PLXNA2: variants seen among roughly 807,000 people sequenced by gnomAD.
The protein encoded by PLXNA2 is plexin-A2.
Under a neutral mutation model 193.5 loss-of-function variants are expected in PLXNA2, and 91 were observed. That is an observed-to-expected ratio of 0.47 (90% CI 0.40 to 0.56). PLXNA2 has a LOEUF of 0.56. Ranked by LOEUF, PLXNA2 falls within the 20% of genes least tolerant of loss-of-function variation. The pLI, the probability that PLXNA2 is intolerant of heterozygous loss-of-function variation, is 0.00. For synonymous variants in PLXNA2, 997 were observed against 1,027.3 expected (o/e 0.97, Z 0.56); for missense variants, 1,995 against 2,503.2 (o/e 0.80, Z 4.33).
intron 5 of PLXNA2, among the ~76,000 whole-genome samples, chr1:208,099,976 C>A (rs1257466785): frequency 2.6e-5 from 4 of 152,008 alleles, no homozygotes; most frequent in African/African-American, 9.7e-5. Flanking sequence ...AACTTTGGGG[C>A]CAAAGAGCCT....
At chr1:208,199,410 A>C (rs1670464351) in intron 3 of PLXNA2, among the ~76,000 whole-genome samples, 1 of 152,216 alleles carries the variant, frequency 6.6e-6, no homozygotes, top group African/African-American at 2.4e-5. Flanking sequence ...AATGTTCTTT[A>C]GGCCGGGCGC....
chr1:208,199,794 C>T (rs571759679), intron 3 of PLXNA2, among the ~76,000 whole-genome samples: 96 of 152,168 alleles, frequency 6.3e-4, no homozygotes, highest in Non-Finnish European at 1.2e-3. Flanking sequence ...GGGTAAGAAC[C>T]TGGGTGAGTT....
intron 12 of PLXNA2, among the ~76,000 whole-genome samples, chr1:208,072,661 T>G (rs1666011467): frequency 6.6e-6 from 1 of 152,140 alleles, no homozygotes; most frequent in African/African-American, 2.4e-5. Flanking sequence ...AAGAAATAAC[T>G]GGGGTAGAGG....
intron 3 of PLXNA2, among the ~76,000 whole-genome samples, chr1:208,201,970 AG>A (rs376243597): frequency 5.3e-4 from 66 of 125,414 alleles, no homozygotes; most frequent in South Asian, 9.2e-4. Context: ...CATCAGGGCA[AG>A]AATTTTTTTT....
chr1:208,170,475 C>T (rs1464942793), intron 3 of PLXNA2, among the ~76,000 whole-genome samples: 1 of 152,162 alleles, frequency 6.6e-6, no homozygotes, highest in Non-Finnish European at 1.5e-5. Context: ...CAGCCACCCA[C>T]AGAGGCAGGG....
intron 4 of PLXNA2, among the ~76,000 whole-genome samples, chr1:208,112,135 T>C (rs930818056): frequency 1.3e-5 from 2 of 152,182 alleles, no homozygotes; most frequent in African/African-American, 2.4e-5. Context: ...GGTTGAACTT[T>C]TCAATGACAT....
intron 2 of PLXNA2, among the ~76,000 whole-genome samples, chr1:208,211,529 T>C (rs113903568): frequency 0.029 from 4,418 of 152,068 alleles, 102 homozygotes; most frequent in Non-Finnish European, 0.047. Context: ...CTGTCTCTAC[T>C]AAAAATACAA....
At chr1:208,055,112 G>A (rs1463667220) in intron 13 of PLXNA2, among the ~76,000 whole-genome samples, 1 of 152,188 alleles carries the variant, frequency 6.6e-6, no homozygotes, top group African/African-American at 2.4e-5. Flanking sequence ...TCCTGCCGCA[G>A]TAGGCAAAGG....
At chr1:208,153,448 A>T (rs1256720844) in intron 3 of PLXNA2, among the ~76,000 whole-genome samples, 1 of 152,174 alleles carries the variant, frequency 6.6e-6, no homozygotes. Context: ...GAAAGAGGGA[A>T]TCTTGTTCCA....
chr1:208,034,660 G>A (rs1664617108), intron 26 of PLXNA2, 68 bp from the exon 27 acceptor site: 2 of 970,106 alleles, frequency 2.1e-6, no homozygotes, highest in Admixed American at 3.5e-5. Flanking sequence ...GGATAGTCAA[G>A]TATTTCTAGA....
chr1:208,100,573 T>G (rs1279270461), intron 5 of PLXNA2, among the ~76,000 whole-genome samples: 1 of 152,224 alleles, frequency 6.6e-6, no homozygotes, highest in Non-Finnish European at 1.5e-5. Context: ...CTTGGCAGTG[T>G]GGGACAGTGT....
intron 2 of PLXNA2, 100 bp downstream of exon 2, chr1:208,216,635 G>T: frequency 7.2e-7 from 1 of 1,379,432 alleles, no homozygotes; most frequent in Non-Finnish European, 9.8e-7. Flanking sequence ...TTCATTTCAG[G>T]TCCATGGTGG....
At chr1:208,116,880 G>T (rs1667653438) in intron 4 of PLXNA2, among the ~76,000 whole-genome samples, 2 of 152,270 alleles carry the variant, frequency 1.3e-5, no homozygotes, top group Admixed American at 6.5e-5. Context: ...TGGAATGAAA[G>T]GATTAAAGGG....
chr1:208,193,164 T>C (rs982725009), intron 3 of PLXNA2, among the ~76,000 whole-genome samples: 5 of 152,218 alleles, frequency 3.3e-5, no homozygotes, highest in African/African-American at 2.4e-5. Flanking sequence ...GCACAGTGAA[T>C]GATGAAACCC....
chr1:208,183,850 A>G (rs1274345158), intron 3 of PLXNA2, among the ~76,000 whole-genome samples: 1 of 152,140 alleles, frequency 6.6e-6, no homozygotes, highest in Non-Finnish European at 1.5e-5. Flanking sequence ...GGTACCCTAG[A>G]CTTCTAAGTT....
intron 3 of PLXNA2, among the ~76,000 whole-genome samples, chr1:208,182,831 T>G (rs1258435831): frequency 1.3e-5 from 2 of 152,014 alleles, no homozygotes; most frequent in African/African-American, 4.8e-5. Flanking sequence ...TAGAGGAGAC[T>G]CTGGCTGCTG....
At chr1:208,056,680 G>A (rs1422226942) in intron 13 of PLXNA2, among the ~76,000 whole-genome samples, 1 of 152,182 alleles carries the variant, frequency 6.6e-6, no homozygotes, top group Non-Finnish European at 1.5e-5. Context: ...CCACTCAAGT[G>A]TGCAAGGAAG....
intron 3 of PLXNA2, among the ~76,000 whole-genome samples, chr1:208,204,315 C>T (rs150120954): frequency 6.6e-6 from 1 of 152,294 alleles, no homozygotes; most frequent in East Asian, 1.9e-4. Flanking sequence ...AAGCCTGCAT[C>T]TGATCCAGGT....
chr1:208,117,893 C>A (rs1667687368), intron 4 of PLXNA2, among the ~76,000 whole-genome samples: 1 of 152,192 alleles, frequency 6.6e-6, no homozygotes. Context: ...TGGTCTGGAA[C>A]TGGACATTAT....
Sources: allele counts gnomAD v4.1 joint callset (sites outside exome capture counted in the v4.1 genomes callset), GRCh38; gene constraint gnomAD v4.1.1; transcripts MANE v1.5; gene names NCBI Gene and HGNC (gene_info 2026-07-23, HGNC 2026-07-21).